The following EZH2 variants were observed in gnomAD, a reference collection of about 807,000 sequenced individuals.
EZH2 encodes the protein enhancer of zeste 2 polycomb repressive complex 2 subunit.
In EZH2, 18 loss-of-function variants were observed where a neutral mutation model predicts 98.4. That is an observed-to-expected ratio of 0.18 (90% confidence interval 0.13 to 0.27). EZH2 has a LOEUF of 0.27. Among genes scored for constraint, EZH2 ranks in the 10% least tolerant of loss-of-function variants. The pLI is 1.00. For synonymous variants in EZH2, 338 were observed against 312.3 expected, an observed-to-expected ratio of 1.08 and a Z score of -0.87; for missense variants, 470 against 935.1, an observed-to-expected ratio of 0.50 and a Z score of 6.49.
intron 6 of EZH2, among the ~76,000 whole-genome samples, chr7:148,828,048 G>T (rs1808229324): frequency 6.6e-6 from 1 of 152,238 alleles, no homozygotes; most frequent in Admixed American, 6.5e-5. Flanking sequence ...AACCCAGGAG[G>T]CGAAGCTTGC....
intron 1 of EZH2, among the ~76,000 whole-genome samples, chr7:148,880,441 A>G (rs900487098): frequency 1.3e-5 from 2 of 152,184 alleles, no homozygotes; most frequent in Non-Finnish European, 2.9e-5. Flanking sequence ...TCCCTTCCTT[A>G]TATTTTTGCA....
At chr7:148,810,158 C>G (rs1211106445) in intron 17 of EZH2, 175 bp downstream of exon 17, 2 of 494,034 alleles carry the variant, frequency 4.0e-6, no homozygotes, top group African/African-American at 1.9e-5. Flanking sequence ...AGTCTATCTG[C>G]TCCCTGAGGA....
At chr7:148,842,229 A>G (rs1176555421) in intron 3 of EZH2, among the ~76,000 whole-genome samples, 7 of 152,124 alleles carry the variant, frequency 4.6e-5, no homozygotes. Context: ...ATCTAAGCAA[A>G]CTTCTCTTTC....
At chr7:148,879,698 AAAT>A (rs1412284356) in intron 1 of EZH2, among the ~76,000 whole-genome samples, 1 of 152,002 alleles carries the variant, frequency 6.6e-6, no homozygotes, top group Non-Finnish European at 1.5e-5. Flanking sequence ...TCAAAAAAAT[AAAT>A]AATAAATAAT....
At chr7:148,844,842 G>A (rs1318577421) in intron 3 of EZH2, among the ~76,000 whole-genome samples, 3 of 152,032 alleles carry the variant, frequency 2.0e-5, no homozygotes, top group East Asian at 3.9e-4. Context: ...TGTCAATAAT[G>A]TACTTCACTA....
intron 1 of EZH2, among the ~76,000 whole-genome samples, chr7:148,860,738 C>T (rs971335458): frequency 3.3e-5 from 5 of 152,182 alleles, no homozygotes; most frequent in Non-Finnish European, 7.3e-5. Flanking sequence ...CTGGCGCAAT[C>T]ACGGCTCACT....
chr7:148,810,227 C>T (rs1802655182), intron 17 of EZH2, 106 bp downstream of exon 17: 3 of 746,508 alleles, frequency 4.0e-6, no homozygotes, highest in Non-Finnish European at 7.0e-6. Flanking sequence ...GGAGATCCTC[C>T]TTCTGGTCAC....
At chr7:148,840,106 A>T (rs1405856607) in intron 3 of EZH2, among the ~76,000 whole-genome samples, 1 of 152,200 alleles carries the variant, frequency 6.6e-6, no homozygotes, top group East Asian at 1.9e-4. Context: ...TGGGGGTGTA[A>T]TGTAAAACTT....
At chr7:148,860,568 C>G (rs1048321861) in intron 1 of EZH2, among the ~76,000 whole-genome samples, 1 of 152,154 alleles carries the variant, frequency 6.6e-6, no homozygotes, top group African/African-American at 2.4e-5. Flanking sequence ...TAACACCATT[C>G]TTCAGCATTT....
At chr7:148,866,028 C>T (rs528062373) in intron 1 of EZH2, among the ~76,000 whole-genome samples, 1 of 152,228 alleles carries the variant, frequency 6.6e-6, no homozygotes, top group African/African-American at 2.4e-5. Flanking sequence ...TGGCTTATGT[C>T]GGCCCCACAG....
chr7:148,866,650 GTATATACGTATATGCATATA>G (rs1750740548), intron 1 of EZH2, among the ~76,000 whole-genome samples: 2 of 140,522 alleles, frequency 1.4e-5, no homozygotes, highest in East Asian at 2.1e-4. Flanking sequence ...ATACATATAC[GTATATACGTATATGCATATA>G]TATGTACGTA....
intron 1 of EZH2, among the ~76,000 whole-genome samples, chr7:148,860,672 T>G (rs1817539204): frequency 1.3e-5 from 2 of 152,016 alleles, no homozygotes; most frequent in African/African-American, 4.8e-5. Context: ...CAATTTACTT[T>G]TATTTTATTT....
chr7:148,807,628 G>C lies in EZH2; in HGVS notation c.*18C>G. 1 of 1,586,556 alleles carries C rather than the reference G, an allele frequency of 6.3e-7. No individual in the cohort carries two copies. Among genetic ancestry groups the C allele is most frequent in the Non-Finnish European group, 8.6e-7 (1 of 1,164,088 alleles). On this transcript the variant is annotated 3_prime_UTR_variant, in exon 20 of 20. Coordinates refer to ENST00000320356, the MANE Select transcript of EZH2 (RefSeq NM_004456.5). ...CTAAGGCAGCTGTTTCAGAGGAGGG[G>C]GGAGGAGGTAGCAGATGTCAAGGGA...
chr7:148,826,719 T>G, intron 7 of EZH2, 87 bp from the exon 8 acceptor site: 1 of 1,129,264 alleles, frequency 8.9e-7, no homozygotes, highest in Non-Finnish European at 1.2e-6. Context: ...CATGTGTTAC[T>G]TTTGATGTTT....
intron 1 of EZH2, among the ~76,000 whole-genome samples, chr7:148,877,816 C>T (rs1046920629): frequency 6.6e-6 from 1 of 152,216 alleles, no homozygotes; most frequent in Non-Finnish European, 1.5e-5. Context: ...ATGTAACTTT[C>T]TGAATGATTC....
intron 1 of EZH2, among the ~76,000 whole-genome samples, chr7:148,850,295 G>C (rs542854366): frequency 2.0e-5 from 3 of 152,256 alleles, no homozygotes; most frequent in South Asian, 2.1e-4. Flanking sequence ...TGGGATTACA[G>C]GTGTGAGCCA....
intron 1 of EZH2, among the ~76,000 whole-genome samples, chr7:148,851,967 C>A (rs1203306936): frequency 6.6e-6 from 1 of 152,216 alleles, no homozygotes; most frequent in Non-Finnish European, 1.5e-5. Context: ...TGTGTAAATA[C>A]ATATGGTTTT....
rs376270647 is a variant in EZH2, at chr7:148,828,894, A to T, written c.485-14T>A. 2.6e-5 allele frequency: 42 copies of T among 1,593,888 alleles called. No individual in the cohort carries two copies. Among genetic ancestry groups the T allele is most frequent in the Non-Finnish European group, 3.4e-5 (40 of 1,169,468 alleles). ...TAAACCCACATTCTGAAACGCATCA[A>T]ATGTCAGAAACACACAGGAGAAGCA... On this transcript the variant is annotated splice_polypyrimidine_tract_variant and intron_variant, in intron 5 of 19. Coordinates refer to ENST00000320356, the MANE Select transcript of EZH2 (RefSeq NM_004456.5).
chr7:148,813,094 G>A (rs1163614037), intron 15 of EZH2, among the ~76,000 whole-genome samples: 2 of 151,162 alleles, frequency 1.3e-5, no homozygotes, highest in South Asian at 2.1e-4. Context: ...CAGAGCATAA[G>A]AGCAGGTTAA....
Sources: allele counts gnomAD v4.1 joint callset (sites outside exome capture counted in the v4.1 genomes callset), GRCh38; gene constraint gnomAD v4.1.1; transcripts MANE v1.5; gene names NCBI Gene and HGNC (gene_info 2026-07-23, HGNC 2026-07-21).